The following SLC5A10 variants were observed in gnomAD, a reference collection of about 807,000 sequenced individuals.
The protein encoded by SLC5A10 is sodium/mannose cotransporter SLC5A10.
In SLC5A10, 55 loss-of-function variants were observed where a neutral mutation model predicts 68.9. That is an observed-to-expected ratio of 0.80 (90% CI 0.64 to 1.00). The LOEUF is 1.00. SLC5A10 is among the 50% of genes least tolerant of loss of function. SLC5A10 has a pLI of 0.00. For missense variants in SLC5A10, 732 were observed against 819.3 expected, an observed-to-expected ratio of 0.89 and a Z score of 1.30; for synonymous variants, 344 against 344.8, an observed-to-expected ratio of 1.00 and a Z score of 0.02.
At chr17:18,977,449 G>A (rs1410976114) in intron 9 of SLC5A10, 1 of 906,602 alleles carries the variant, frequency 1.1e-6, no homozygotes, top group South Asian at 1.7e-5. Context: ...TGTTCATCAA[G>A]TTTCCCCATC....
chr17:18,986,850 C>T (rs1413460410), intron 9 of SLC5A10, among the ~76,000 whole-genome samples: 4 of 152,258 alleles, frequency 2.6e-5, no homozygotes, highest in African/African-American at 9.6e-5. Context: ...AGGCCTTCTG[C>T]AGTCAGGTTT....
In SLC5A10 at chr17:18,952,234, A is replaced by G; in HGVS notation, c.29A>G (p.His10Arg). ...GCCGCCAACTCCACCAGCGACCTCC[A>G]CACTCCCGGGACGCAGCTGAGCGTG... MAANSTSDL[H>R]TPGTQLSVAD... The change falls in exon 1 of 15, where the codon CAC (histidine) becomes CGC (arginine). Residue 10 changes from histidine to arginine, a missense_variant. By Grantham distance (29) the His-to-Arg change is conservative (BLOSUM62 0). Coordinates refer to ENST00000395645, the MANE Select transcript of SLC5A10 (RefSeq NM_001042450.4). 1.2e-6 allele frequency: 2 copies of G among 1,613,726 alleles called. No homozygotes were observed. Among genetic ancestry groups the G allele is most frequent in the Non-Finnish European group, 1.7e-6 (2 of 1,179,856 alleles).
intron 5 of SLC5A10, among the ~76,000 whole-genome samples, chr17:18,966,763 A>AAC (rs1192621165): frequency 2.0e-5 from 3 of 151,354 alleles, no homozygotes; most frequent in African/African-American, 4.8e-5. Context: ...AAAAAAAAAA[A>AAC]AAACAACACT....
chr17:18,969,989 C>G (rs775824432), intron 7 of SLC5A10: 1 of 152,504 alleles, frequency 6.6e-6, no homozygotes, highest in Non-Finnish European at 1.5e-5. Context: ...GAGGATCCCT[C>G]AGAGAGTGAA....
intron 5 of SLC5A10, among the ~76,000 whole-genome samples, chr17:18,965,811 T>C (rs571833581): frequency 6.6e-6 from 1 of 152,180 alleles, no homozygotes; most frequent in Non-Finnish European, 1.5e-5. Flanking sequence ...ATGAGTTTCC[T>C]CCCCAGGACC....
intron 9 of SLC5A10, among the ~76,000 whole-genome samples, chr17:18,998,698 T>C (rs1373947158): frequency 6.6e-6 from 1 of 152,208 alleles, no homozygotes; most frequent in Admixed American, 6.5e-5. Context: ...AAGGGAGCCT[T>C]TGGAGCGCAC....
chr17:19,001,397 C>T (rs941726720), intron 9 of SLC5A10, among the ~76,000 whole-genome samples: 1 of 152,216 alleles, frequency 6.6e-6, no homozygotes, highest in African/African-American at 2.4e-5. Flanking sequence ...CCCTTGAGGA[C>T]TCCCTGAGGT....
In SLC5A10 at chr17:18,976,871, A is replaced by G; in HGVS notation, c.864A>G (p.Ser288=). ...WCTDQVIVQR[S]LSARDLNHAK... is the part of the protein sequence containing the mutation. ...ACCCCCAGGTCATCGTGCAGCGATC[A>G]CTGTCAGCCCGGGACCTGAACCATG... The change falls in exon 9 of 15, where the codon TCA becomes TCG. Residue 288 remains serine (S), a synonymous_variant. Coordinates refer to ENST00000395645, the MANE Select transcript of SLC5A10 (RefSeq NM_001042450.4). 1.2e-6 allele frequency: 2 copies of G among 1,613,494 alleles called. No individual in the cohort carries two copies. Among genetic ancestry groups the G allele is most frequent in the Non-Finnish European group, 1.7e-6 (2 of 1,179,964 alleles).
rs1206189549 is a variant in SLC5A10, at chr17:19,022,175, C to A, written c.*1744C>A. The A allele has an allele frequency of 8.5e-6, 11 of 1,287,914 alleles. No individual in the cohort carries two copies. Among genetic ancestry groups the A allele is most frequent in the South Asian group, 1.7e-5 (1 of 59,722 alleles). The allele number at this position is 1,287,914 out of a possible 1,614,324, so 79.8% of individuals were successfully genotyped here. The stretch of plus-strand genomic sequence containing the variant: ...AGAAGAGGAGGTGGTTAGTAGGGTG[C>A]CTTCAGAAGCCCTGCAACCCACCCT... On this transcript the variant is annotated 3_prime_UTR_variant, in exon 15 of 15. Coordinates refer to ENST00000395645, the MANE Select transcript of SLC5A10 (RefSeq NM_001042450.4).
rs1052704609 is a variant in SLC5A10, at chr17:18,971,254, T to C, written c.846+36T>C. ...ACGTCTCCCGCCCATCCCACCTTCC[T>C]GCCGTCCCAGTGGGCTCTGGTAGGC... On this transcript the variant is annotated intron_variant, in intron 8 of 14. Transcript: ENST00000395645. This position sits in a 1 kb window ranked among gnomAD's most constrained non-coding sequence, Gnocchi z 5.5. The C allele has an allele frequency of 6.8e-6, 11 of 1,612,206 alleles. No homozygotes were observed. The highest frequency in any genetic ancestry group is 9.3e-6 in the Non-Finnish European group (11 of 1,178,896).
intron 7 of SLC5A10, chr17:18,970,714 G>A: frequency 2.3e-6 from 1 of 427,372 alleles, no homozygotes; most frequent in Non-Finnish European, 4.3e-6. Context: ...CAAGGCCGAT[G>A]AGTGTCCAGA....
intron 1 of SLC5A10, chr17:18,952,632 C>T (rs2042392505): frequency 8.5e-6 from 2 of 235,516 alleles, no homozygotes; most frequent in South Asian, 1.4e-4. Flanking sequence ...TCCCAGTCTC[C>T]ATGGTGTCAG....
chr17:18,994,528 TGAGGCTGAGCAGGGAACCACTGGAAAGGG>T (rs1360659005), intron 9 of SLC5A10, among the ~76,000 whole-genome samples: 5 of 152,092 alleles, frequency 3.3e-5, no homozygotes, highest in Non-Finnish European at 7.4e-5. Context: ...AGGAAACTAC[TGAGGCTGAGCAGGGAACCACTGGAAAGGG>T]GAGGCTGAGC....
intron 7 of SLC5A10, chr17:18,969,774 A>G: frequency 3.8e-6 from 1 of 261,830 alleles, no homozygotes; most frequent in Non-Finnish European, 7.2e-6. Context: ...GAGGCCATAA[A>G]ACTGCCTGGG....
At chr17:18,960,848 A>G (rs2042600575) in intron 5 of SLC5A10, among the ~76,000 whole-genome samples, 196 bp downstream of exon 5, 1 of 152,138 alleles carries the variant, frequency 6.6e-6, no homozygotes, top group Non-Finnish European at 1.5e-5. Context: ...CCCGGGGTGT[A>G]GGCTCAGCAG....
chr17:18,960,835 G>GC (rs1425726145), intron 5 of SLC5A10, among the ~76,000 whole-genome samples, 183 bp downstream of exon 5: 1 of 152,190 alleles, frequency 6.6e-6, no homozygotes, highest in Non-Finnish European at 1.5e-5. Flanking sequence ...GTAGTCCAGG[G>GC]CCCCCGGGGT....
In SLC5A10 at chr17:19,017,255, G is replaced by A; in HGVS notation, c.1241+2056G>A. The A allele has an allele frequency of 6.5e-7, 1 of 1,545,578 alleles. No homozygotes were observed. Among genetic ancestry groups the A allele is most frequent in the Non-Finnish European group, 8.8e-7 (1 of 1,141,370 alleles). The stretch of plus-strand genomic sequence containing the variant: ...GGGCCCCGTGCCAGGTGTCAGGCTG[G>A]CCAGCTCAACTTCCCGTCCCTCTTA... On this transcript the variant is annotated intron_variant, in intron 11 of 14. Transcript: ENST00000395645. The surrounding 1 kb of genome is among the most constrained non-coding windows in gnomAD (Gnocchi z 5.6).
intron 9 of SLC5A10, chr17:18,977,906 T>G: frequency 6.2e-7 from 1 of 1,610,560 alleles, no homozygotes; most frequent in South Asian, 1.1e-5. Context: ...GAGGGTTACG[T>G]AGTCGTCATC....
chr17:18,952,702 G>T (rs1379849477), intron 1 of SLC5A10, among the ~76,000 whole-genome samples: 2 of 152,146 alleles, frequency 1.3e-5, no homozygotes, highest in East Asian at 1.9e-4. Flanking sequence ...CCCCAGAGCT[G>T]CTGGATCAGA....
Sources: allele counts gnomAD v4.1 joint callset (sites outside exome capture counted in the v4.1 genomes callset), GRCh38; gene constraint gnomAD v4.1.1; non-coding constraint Gnocchi (gnomAD v3.1); transcripts MANE v1.5; gene names NCBI Gene and HGNC (gene_info 2026-07-23, HGNC 2026-07-21).